Variants in NELFA observed in about 807,000 individuals in gnomAD.
NELFA encodes negative elongation factor A.
A neutral mutation model predicts 51.8 loss-of-function variants in NELFA; 35 were observed. That is an observed-to-expected ratio of 0.68 (90% CI 0.52 to 0.90). NELFA has a LOEUF of 0.90. Ranked by LOEUF, NELFA falls within the 40% of genes least tolerant of loss-of-function variation. The probability of loss-of-function intolerance (pLI) is 0.00; values close to 1 mark genes in which losing one functional copy is unlikely to be tolerated. For synonymous variants in NELFA, 417 were observed against 338.4 expected (o/e 1.23, Z -2.55); for missense variants, 658 against 746.4 (o/e 0.88, Z 1.38).
chr4:2,004,590 T>G (rs1048931053), intron 1 of NELFA, among the ~76,000 whole-genome samples: 1 of 151,482 alleles, frequency 6.6e-6, no homozygotes, highest in Non-Finnish European at 1.5e-5. Flanking sequence ...CAGGCTCAAG[T>G]GATCCTCTCG....
rs1327530542 is a variant in NELFA at position 2,005,743 on chromosome 4, A to G, written c.210+3007T>C. Reference sequence around the variant, plus strand: ...CAAAAACAAAAATCAACGCATTTCTATATACCAGCAACAAGTAAAAACTAA... The same window carrying G: ...CAAAAACAAAAATCAACGCATTTCTGTATACCAGCAACAAGTAAAAACTAA... On this transcript the variant is annotated intron_variant, in intron 1 of 10. Coordinates refer to ENST00000382882, the MANE Select transcript of NELFA (RefSeq NM_005663.5). 2.4e-4 allele frequency among the ~76,000 whole-genome samples: 36 copies of G among 152,184 alleles called. 1 individual carries two copies. The highest frequency in any genetic ancestry group is 2.2e-3 in the Admixed American group (34 of 15,262).
At chr4:1,991,799 G>C in intron 1 of NELFA, 84 bp from the exon 2 acceptor site, 1 of 1,392,518 alleles carries the variant, frequency 7.2e-7, no homozygotes, top group Non-Finnish European at 9.7e-7. Context: ...ATGGGCACTG[G>C]GCAGTGGCCG....
Position 1,983,161 on chromosome 4 carries a change from G to A in NELFA, c.*158C>T. Reference sequence around the variant, plus strand: ...TTAAAAATAAGCCCCAAATACCCCAGAGAAATGCATCCAGAACTTAAAACA... The same window carrying A: ...TTAAAAATAAGCCCCAAATACCCCAAAGAAATGCATCCAGAACTTAAAACA... On this transcript the variant is annotated 3_prime_UTR_variant, in exon 11 of 11. Coordinates refer to ENST00000382882, the MANE Select transcript of NELFA (RefSeq NM_005663.5). The A allele has an allele frequency of 1.6e-6, 1 of 615,162 alleles. No homozygotes were observed. The allele number at this position is 615,162 out of a possible 1,614,324, so 38.1% of individuals were successfully genotyped here.
intron 7 of NELFA, among the ~76,000 whole-genome samples, chr4:1,985,258 C>T (rs1046052570): frequency 2.0e-4 from 31 of 152,206 alleles, no homozygotes; most frequent in Non-Finnish European, 4.3e-4. Context: ...GAACACGCAG[C>T]GGCGGGAAGA....
chr4:1,992,957 G>A (rs988737441), intron 1 of NELFA, among the ~76,000 whole-genome samples: 10 of 152,158 alleles, frequency 6.6e-5, no homozygotes, highest in South Asian at 4.1e-4. Flanking sequence ...CTGACCCTGC[G>A]CCCCGGGCCC....
rs570392999 is a variant in NELFA, at chr4:2,004,888, C to T, written c.210+3862G>A. Among the ~76,000 whole-genome samples the T allele has an allele frequency of 2.7e-5, 4 of 150,252 alleles. No individual in the cohort carries two copies. The South Asian group carries it at 6.3e-4, about 24-fold the overall frequency. On this transcript the variant is annotated intron_variant, in intron 1 of 10. Coordinates refer to ENST00000382882, the MANE Select transcript of NELFA (RefSeq NM_005663.5). ...TGGCGCGATCTCAGCTCACTGCAAG[C>T]TCTGCCTCCTGGGTTCACGGCATTC...
Position 1,984,086 on chromosome 4 carries a change from G to T in NELFA, c.1064C>A (p.Pro355Gln). 1 of 1,583,466 alleles carries T rather than the reference G, an allele frequency of 6.3e-7. No individual in the cohort carries two copies. The change falls in exon 9 of 11, where the codon CCA becomes CAA. Residue 355 changes from proline to glutamine, a missense_variant. By Grantham distance (76) the Pro-to-Gln change is moderately conservative. Transcript: ENST00000382882. ...PAPSSREASR[P>Q]PEEPSAPSPT... ...GCTCGGGGCGCTGGGCTCCTCTGGT[G>T]GGCGGCTGGCTTCCCGGGAAGATGG...
chr4:1,993,968 G>A (rs894425107), intron 1 of NELFA, among the ~76,000 whole-genome samples: 3 of 152,082 alleles, frequency 2.0e-5, no homozygotes. Context: ...CCCGGCCCAG[G>A]CCTACCTTGT....
chr4:1,999,604 A>C (rs1401489166), intron 1 of NELFA, among the ~76,000 whole-genome samples: 2 of 152,210 alleles, frequency 1.3e-5, no homozygotes, highest in Non-Finnish European at 2.9e-5. Flanking sequence ...TCCTAAATAT[A>C]TATGCACCCA....
intron 2 of NELFA, among the ~76,000 whole-genome samples, chr4:1,990,825 C>T (rs931532489): frequency 2.6e-5 from 4 of 152,192 alleles, no homozygotes; most frequent in African/African-American, 9.6e-5. Flanking sequence ...TTAAGAGATA[C>T]ATTCTCACCC....
Position 1,984,828 on chromosome 4 carries a change from G to T in NELFA, c.1016C>A (p.Pro339His). 6.4e-7 allele frequency: 1 copy of T among 1,568,248 alleles called. No individual in the cohort carries two copies. The change falls in exon 8 of 11, where the codon CCC (proline) becomes CAC (histidine). Residue 339 changes from proline to histidine, a missense_variant. Physicochemically the swap from Pro to His is moderately conservative, Grantham distance 77. This residue lies in a region of NELFA where 200 missense variants were observed against 167.9 expected (regional missense o/e 1.19). Coordinates refer to ENST00000382882, the MANE Select transcript of NELFA (RefSeq NM_005663.5). ...PSVVPASSYI[P>H]SSETPPAPSS... ...CTCACCTGGGGGCGTCTCGGAGCTG[G>T]GGATGTAGGAGGAGGCGGGAACCAC...
intron 8 of NELFA, among the ~76,000 whole-genome samples, chr4:1,984,369 A>AT (rs1053262327): frequency 2.0e-5 from 3 of 152,148 alleles, no homozygotes; most frequent in African/African-American, 7.2e-5. Flanking sequence ...GCAGGTCCCC[A>AT]TACCGTAGGC....
intron 2 of NELFA, among the ~76,000 whole-genome samples, chr4:1,990,875 A>C (rs1041137943): frequency 5.3e-5 from 8 of 152,232 alleles, no homozygotes; most frequent in Admixed American, 2.0e-4. Context: ...ATCATGGCTC[A>C]CTGCAGCCTT....
intron 7 of NELFA, 98 bp from the exon 8 acceptor site, chr4:1,985,017 G>T: frequency 1.2e-6 from 1 of 857,524 alleles, no homozygotes; most frequent in Non-Finnish European, 1.8e-6. Context: ...ACAGGCTGTG[G>T]CCCCCCGAGC....
At chr4:1,992,424 C>T (rs759446475) in intron 1 of NELFA, 5 of 411,174 alleles carry the variant, frequency 1.2e-5, no homozygotes, top group South Asian at 8.5e-5. Context: ...GATCCATCCA[C>T]ACCAGGGCCT....
chr4:1,986,592 TCA>T (rs1728107930), intron 4 of NELFA, 190 bp from the exon 5 acceptor site: 7 of 818,502 alleles, frequency 8.6e-6, no homozygotes, highest in Middle Eastern at 3.7e-4. Flanking sequence ...AGCCACGACC[TCA>T]CACTTTGCCA....
chr4:1,986,036 C>A (rs918208825), intron 6 of NELFA, 78 bp downstream of exon 6: 8 of 1,472,194 alleles, frequency 5.4e-6, no homozygotes, highest in Non-Finnish European at 7.4e-6. Context: ...GCCCGCCGAG[C>A]GTGGGCACAA....
chr4:1,998,504 T>C (rs1457195567), intron 1 of NELFA, among the ~76,000 whole-genome samples: 1 of 152,088 alleles, frequency 6.6e-6, no homozygotes, highest in African/African-American at 2.4e-5. Flanking sequence ...TCATGAGTCA[T>C]CCGCAAGTAT....
intron 1 of NELFA, among the ~76,000 whole-genome samples, chr4:2,003,432 T>C (rs1168682741): frequency 2.0e-5 from 3 of 152,232 alleles, no homozygotes; most frequent in Non-Finnish European, 2.9e-5. Flanking sequence ...CGTACAGGTA[T>C]GTTTACTGCA....
Sources: allele counts gnomAD v4.1 joint callset (sites outside exome capture counted in the v4.1 genomes callset), GRCh38; gene constraint gnomAD v4.1.1; regional missense constraint gnomAD v4.1.1; transcripts MANE v1.5; gene names NCBI Gene and HGNC (gene_info 2026-07-23, HGNC 2026-07-21).